MACF1: variants seen among roughly 807,000 people sequenced by gnomAD.
The protein encoded by MACF1 is microtubule-actin cross-linking factor 1.
Under a neutral mutation model 854.8 loss-of-function variants are expected in MACF1, and 193 were observed. The observed-to-expected ratio is 0.23, with a 90% CI of 0.20 to 0.25. The LOEUF is 0.25. Among genes scored for constraint, MACF1 ranks in the 10% least tolerant of loss-of-function variants. The pLI, the probability that MACF1 is intolerant of heterozygous loss-of-function variation, is 1.00. For synonymous variants in MACF1, 3,185 were observed against 3,226.7 expected, an observed-to-expected ratio of 0.99 and a Z score of 0.44; for missense variants, 7,722 against 8,929.1, an observed-to-expected ratio of 0.86 and a Z score of 5.45.
intron 2 of MACF1, among the ~76,000 whole-genome samples, chr1:39,117,096 G>C (rs1642567419): frequency 6.6e-6 from 1 of 152,142 alleles, no homozygotes; most frequent in African/African-American, 2.4e-5. Flanking sequence ...TTGTTCTCAT[G>C]ACTCAGAGCC....
chr1:39,252,851 A>G (rs1186117454), intron 4 of MACF1, among the ~76,000 whole-genome samples: 1 of 152,154 alleles, frequency 6.6e-6, no homozygotes, highest in African/African-American at 2.4e-5. Context: ...AGATTCTCCT[A>G]TTTGAGAAGT....
intron 44 of MACF1, among the ~76,000 whole-genome samples, chr1:39,355,741 G>A (rs1386631143): frequency 6.6e-6 from 1 of 152,116 alleles, no homozygotes; most frequent in Non-Finnish European, 1.5e-5. Context: ...TGGGATTATA[G>A]GCGTGAGCCA....
In MACF1 at chr1:39,357,603, G is replaced by T; in HGVS notation, c.11653G>T (p.Asp3885Tyr). Residue 3885 changes from aspartate to tyrosine, a missense_variant, in exon 45 of 101, where the codon GAT becomes TAT. Asp to Tyr is a radical substitution (Grantham distance 160). Coordinates refer to ENST00000564288, the MANE Select transcript of MACF1 (RefSeq NM_001394062.1). ...LQDELQKFLQDHKEFESWLER... is the reference protein window; with the variant it reads ...LQDELQKFLQYHKEFESWLER... ...GGATGAGTTGCAGAAATTTCTGCAG[G>T]ATCATAAAGAGTTTGAAAGCTGGTT... 1 of 1,614,140 alleles carries T rather than the reference G, an allele frequency of 6.2e-7. No individual in the cohort carries two copies. Among genetic ancestry groups the T allele is most frequent in the South Asian group, 1.1e-5 (1 of 91,074 alleles).
intron 74 of MACF1, 42 bp downstream of exon 74, chr1:39,441,367 G>C (rs879404686): frequency 4.2e-5 from 64 of 1,526,058 alleles, no homozygotes; most frequent in Non-Finnish European, 5.0e-5. Flanking sequence ...TACAGGTTCT[G>C]TTTTTTGCCA....
chr1:39,458,321 A>G (rs1644483568), intron 89 of MACF1, 49 bp from the exon 90 acceptor site: 1 of 1,592,734 alleles, frequency 6.3e-7, no homozygotes, highest in East Asian at 2.2e-5. Context: ...CCCCCATAAG[A>G]GTAAAAATAC....
chr1:39,319,012 ATTTTG>A (rs1057276370), intron 30 of MACF1, among the ~76,000 whole-genome samples: 8 of 143,012 alleles, frequency 5.6e-5, no homozygotes, highest in South Asian at 2.2e-4. Flanking sequence ...TTTTGTTGGT[ATTTTG>A]TTTTGTTTTG....
At chr1:39,276,702 A>G (rs1303899962) in intron 6 of MACF1, among the ~76,000 whole-genome samples, 1 of 152,162 alleles carries the variant, frequency 6.6e-6, no homozygotes, top group Non-Finnish European at 1.5e-5. Context: ...TATTACTATA[A>G]TTATTGGTCG....
intron 36 of MACF1, chr1:39,328,236 CAA>C (rs1646653461): frequency 6.6e-6 from 1 of 152,286 alleles, no homozygotes; most frequent in South Asian, 2.1e-4. Flanking sequence ...TTTCCAAAAA[CAA>C]AGTGCTGGTG....
At chr1:39,270,380 G>A (rs574979079) in intron 6 of MACF1, among the ~76,000 whole-genome samples, 21 of 152,330 alleles carry the variant, frequency 1.4e-4, no homozygotes, top group South Asian at 4.1e-4. Flanking sequence ...TTTAAGGCTA[G>A]AAAAGTTTGT....
chr1:39,389,083 C>T (rs1243674869), intron 58 of MACF1, among the ~76,000 whole-genome samples: 1 of 151,470 alleles, frequency 6.6e-6, no homozygotes, highest in East Asian at 1.9e-4. Context: ...ACCATGTCTC[C>T]CAGGCTGGTC....
At chr1:39,311,104 G>A (rs970248430) in intron 26 of MACF1, 104 bp downstream of exon 26, 2 of 1,276,796 alleles carry the variant, frequency 1.6e-6, no homozygotes, top group African/African-American at 3.0e-5. Context: ...ATAGACTCAA[G>A]ACAGTCCTTC....
At chr1:39,367,208 A>G (rs1398437616) in intron 49 of MACF1, among the ~76,000 whole-genome samples, 1 of 152,082 alleles carries the variant, frequency 6.6e-6, no homozygotes, top group Non-Finnish European at 1.5e-5. Flanking sequence ...TGGCCTTCCA[A>G]AATGCTAGGA....
At position 39,100,910 on chromosome 1, in the gene MACF1, G is replaced by A. The variant is rs538809181; in HGVS notation, c.220+16472G>A. ...AAAGTAAACAAATATACAAATGCAC[G>A]CGCGCGTGTGTGTGTGTGTGTATGT... On this transcript the variant is annotated intron_variant, in intron 2 of 93. Coordinates refer to the MACF1 transcript ENST00000361689. 1.6e-4 allele frequency among the ~76,000 whole-genome samples: 24 copies of A among 151,342 alleles called. No individual in the cohort carries two copies. In the East Asian group the frequency reaches 3.5e-3, roughly 22 times the overall value.
rs752656703 is a variant in MACF1 at position 39,358,724 on chromosome 1, A to C, written c.11971A>C (p.Met3991Leu). Residue 3991 changes from methionine to leucine, a missense_variant, in exon 46 of 101, where the codon ATG (methionine) becomes CTG (leucine). Transcript: ENST00000564288. ...KCTRLGSHLN[M>L]LLGQYHQFQN... Reference sequence around the variant, plus strand: ...TACACGATTAGGATCTCACCTGAATATGCTGTTAGGCCAGTATCATCAATT... The same window carrying C: ...TACACGATTAGGATCTCACCTGAATCTGCTGTTAGGCCAGTATCATCAATT... The C allele has an allele frequency of 3.7e-6, 6 of 1,614,006 alleles. No homozygotes were observed. The East Asian group carries it at 1.3e-4, about 36-fold the overall frequency.
intron 2 of MACF1, among the ~76,000 whole-genome samples, chr1:39,187,962 C>T (rs1478994712): frequency 2.3e-5 from 2 of 86,070 alleles, no homozygotes; most frequent in Non-Finnish European, 5.1e-5. Context: ...CCTTCCCTCC[C>T]CTCCTCTCCC....
intron 11 of MACF1, 34 bp from the exon 12 acceptor site, chr1:39,285,049 C>T (rs1234019560): frequency 6.2e-7 from 1 of 1,610,908 alleles, no homozygotes; most frequent in East Asian, 2.2e-5. Context: ...GAGGGCATGG[C>T]TGTGTTTTTG....
chr1:39,318,628 G>A lies in MACF1; in HGVS notation c.3945+13G>A, dbSNP rs372141116. The stretch of plus-strand genomic sequence containing the variant: ...CAGCCAGCAGACGGTGAGTGTGGTA[G>A]TAGCTCTGGCGAGAAGAGTTAGAAA... On this transcript the variant is annotated intron_variant, in intron 30 of 100. Transcript: ENST00000564288. The A allele has an allele frequency of 6.3e-7, 1 of 1,594,832 alleles. No individual in the cohort carries two copies. The highest frequency in any genetic ancestry group is 1.3e-5 in the African/African-American group (1 of 74,132).
intron 58 of MACF1, chr1:39,412,173 C>T (rs1476780526): frequency 2.5e-6 from 4 of 1,613,822 alleles, no homozygotes; most frequent in Non-Finnish European, 3.4e-6. Flanking sequence ...AGGGAGACTG[C>T]AGTCAAACTG....
Position 39,332,884 on chromosome 1 carries a change from AT to A in MACF1, c.6297del (p.Asn2099LysfsTer5). 1 of 1,614,192 alleles carries A rather than the reference AT, an allele frequency of 6.2e-7. No homozygotes were observed. The highest frequency in any genetic ancestry group is 8.5e-7 in the Non-Finnish European group (1 of 1,180,030). ...NPNIDALKVI[N>X]KVKLEVQRQL... The stretch of plus-strand genomic sequence containing the variant: ...AACATTGATGCTTTGAAGGTAATAA[AT>A]AAAGTCAAATTAGAGGTACAAAGGC... On this transcript the variant is annotated frameshift_variant, in exon 37 of 101. Transcript: ENST00000564288. LOFTEE classifies it high-confidence loss of function.
Sources: allele counts gnomAD v4.1 joint callset (sites outside exome capture counted in the v4.1 genomes callset), GRCh38; gene constraint gnomAD v4.1.1; transcripts MANE v1.5; gene names NCBI Gene and HGNC (gene_info 2026-07-23, HGNC 2026-07-21).